Variants in XKR9 observed in about 807,000 individuals in gnomAD.
XKR9 encodes XK-related protein 9.
Under a neutral mutation model 32.0 loss-of-function variants are expected in XKR9, and 32 were observed. The observed-to-expected ratio is 1.00, with a 90% CI of 0.76 to 1.34. The LOEUF (loss-of-function observed/expected upper bound fraction) is 1.34, where lower values mean the gene tolerates loss of function less well. XKR9 is among the 40% of genes most tolerant of loss of function. The pLI is 0.00. For synonymous variants in XKR9, 168 were observed against 143.4 expected (o/e 1.17, Z -1.22); for missense variants, 546 against 429.7 (o/e 1.27, Z -2.39).
At chr8:71,047,067 A>G in the XKR9 span, among the ~76,000 whole-genome samples, 1 of 152,260 alleles carries the variant, frequency 6.6e-6, no homozygotes, top group South Asian at 2.1e-4. Context: ...CTATTAGGAT[A>G]ATTGCATTGT....
chr8:70,878,090 C>T, the XKR9 span, among the ~76,000 whole-genome samples: 1 of 152,146 alleles, frequency 6.6e-6, no homozygotes, highest in Non-Finnish European at 1.5e-5. Context: ...AAATAAAATC[C>T]TTTACAGACA....
At chr8:70,698,415 T>G (rs1805375767) in intron 3 of XKR9, among the ~76,000 whole-genome samples, 1 of 152,244 alleles carries the variant, frequency 6.6e-6, no homozygotes, top group Non-Finnish European at 1.5e-5. Flanking sequence ...AAGGAACATC[T>G]TTATTTCTGC....
the XKR9 span, among the ~76,000 whole-genome samples, chr8:70,989,347 G>A: frequency 6.6e-6 from 1 of 152,146 alleles, no homozygotes; most frequent in Non-Finnish European, 1.5e-5. Flanking sequence ...TATATTATTT[G>A]CCCTTTGTAA....
chr8:71,028,479 G>A, the XKR9 span, among the ~76,000 whole-genome samples: 1 of 152,198 alleles, frequency 6.6e-6, no homozygotes, highest in Non-Finnish European at 1.5e-5. Context: ...CCAGGGGCCA[G>A]GGATGGGGAG....
the XKR9 span, among the ~76,000 whole-genome samples, chr8:71,041,900 G>A: frequency 5.3e-5 from 8 of 152,146 alleles, no homozygotes; most frequent in Admixed American, 4.6e-4. Flanking sequence ...AAATTACCCA[G>A]TCTCAGATAT....
At chr8:70,774,535 T>C (rs2130238901) in intron 2 of XKR9, among the ~76,000 whole-genome samples, 1 of 152,296 alleles carries the variant, frequency 6.6e-6, no homozygotes, top group East Asian at 1.9e-4. Context: ...AAGCTCTATA[T>C]ATTCAACATT....
At chr8:71,056,412 A>C in the XKR9 span, among the ~76,000 whole-genome samples, 17 of 152,330 alleles carry the variant, frequency 1.1e-4, 1 homozygote, top group Non-Finnish European at 2.4e-4. Flanking sequence ...TATAGAGGCA[A>C]TATTAATGGC....
chr8:70,975,407 T>A, the XKR9 span, among the ~76,000 whole-genome samples: 2 of 152,234 alleles, frequency 1.3e-5, no homozygotes, highest in Non-Finnish European at 2.9e-5. Flanking sequence ...CCATCTTGAA[T>A]TGTCTTTTGT....
chr8:70,870,202 A>G, the XKR9 span, among the ~76,000 whole-genome samples: 3 of 152,188 alleles, frequency 2.0e-5, no homozygotes, highest in South Asian at 6.2e-4. Flanking sequence ...AGATAACAAC[A>G]CCATGTCTTT....
intron 2 of XKR9, among the ~76,000 whole-genome samples, chr8:70,755,093 G>A (rs1357222003): frequency 6.6e-6 from 1 of 152,156 alleles, no homozygotes; most frequent in Non-Finnish European, 1.5e-5. Context: ...TCAAAAAGTG[G>A]CAAAGGATAT....
the XKR9 span, among the ~76,000 whole-genome samples, chr8:70,920,966 G>A: frequency 6.6e-6 from 1 of 152,130 alleles, no homozygotes; most frequent in Admixed American, 6.5e-5. Flanking sequence ...TCACCTCGCA[G>A]AGTTCTCTTG....
chr8:70,906,526 C>T, the XKR9 span, among the ~76,000 whole-genome samples: 1 of 152,170 alleles, frequency 6.6e-6, no homozygotes, highest in Non-Finnish European at 1.5e-5. Flanking sequence ...CGAGGCTGGG[C>T]TACTCTGCAT....
the XKR9 span, among the ~76,000 whole-genome samples, chr8:70,915,271 C>T: frequency 6.6e-6 from 1 of 151,880 alleles, no homozygotes; most frequent in Admixed American, 6.6e-5. Context: ...CCTTTGGCCG[C>T]ATGACTCCAG....
chr8:70,930,840 C>G, the XKR9 span, among the ~76,000 whole-genome samples: 1 of 152,104 alleles, frequency 6.6e-6, no homozygotes, highest in Non-Finnish European at 1.5e-5. Context: ...CAGAGACCAG[C>G]ATGGGAGGAA....
the XKR9 span, among the ~76,000 whole-genome samples, chr8:71,059,009 C>T: frequency 6.6e-6 from 1 of 152,220 alleles, no homozygotes; most frequent in African/African-American, 2.4e-5. Flanking sequence ...TTTAATTAGA[C>T]ACATCCTGTT....
intron 4 of XKR9, among the ~76,000 whole-genome samples, chr8:70,730,465 A>G (rs1390999041): frequency 2.0e-5 from 3 of 152,166 alleles, no homozygotes; most frequent in Admixed American, 2.0e-4. Context: ...ACTGCCAATA[A>G]TTCTGGCTTT....
At chr8:71,012,961 C>A in the XKR9 span, among the ~76,000 whole-genome samples, 1 of 152,152 alleles carries the variant, frequency 6.6e-6, no homozygotes, top group African/African-American at 2.4e-5. Context: ...CACTTTTATC[C>A]CTTCATAACA....
intron 3 of XKR9, among the ~76,000 whole-genome samples, chr8:70,694,330 A>G (rs1172859440): frequency 1.3e-5 from 2 of 152,198 alleles, no homozygotes; most frequent in Non-Finnish European, 2.9e-5. Context: ...GACACTCTGA[A>G]GCCCAAAGAC....
chr8:70,859,186 T>TA, the XKR9 span, among the ~76,000 whole-genome samples: 1 of 151,908 alleles, frequency 6.6e-6, no homozygotes, highest in African/African-American at 2.4e-5. Flanking sequence ...CAAAATTGGG[T>TA]AAAAAATCTA....
Sources: allele counts gnomAD v4.1 joint callset (sites outside exome capture counted in the v4.1 genomes callset), GRCh38; gene constraint gnomAD v4.1.1; transcripts MANE v1.5; gene names NCBI Gene and HGNC (gene_info 2026-07-23, HGNC 2026-07-21).